Variants in FAM91A1 observed in about 807,000 individuals in gnomAD.
FAM91A1 encodes the protein protein FAM91A1.
FAM91A1 carries 41 observed loss-of-function variants against 113.5 expected under a neutral mutation model. The observed-to-expected ratio is 0.36, with a 90% CI of 0.28 to 0.47. The LOEUF is 0.47. Ranked by LOEUF, FAM91A1 falls within the 20% of genes least tolerant of loss-of-function variation. The probability of loss-of-function intolerance (pLI) is 1.00; values close to 1 mark genes in which losing one functional copy is unlikely to be tolerated. For missense variants in FAM91A1, 696 were observed against 1,001.2 expected (o/e 0.70, Z 4.11); for synonymous variants, 307 against 347.9 (o/e 0.88, Z 1.31).
At chr8:123,770,819 A>C (rs1439603001) in intron 1 of FAM91A1, among the ~76,000 whole-genome samples, 2 of 152,324 alleles carry the variant, frequency 1.3e-5, no homozygotes, top group South Asian at 2.1e-4. Context: ...CACTTGAAAA[A>C]CAGTGGCTAT....
At chr8:123,776,023 AGAAT>A (rs1814976265) in intron 3 of FAM91A1, among the ~76,000 whole-genome samples, 1 of 152,220 alleles carries the variant, frequency 6.6e-6, no homozygotes, top group South Asian at 2.1e-4. Flanking sequence ...AACTGTCTAA[AGAAT>A]GAATGATGAC....
intron 3 of FAM91A1, 124 bp from the exon 4 acceptor site, chr8:123,777,141 C>T (rs976989929): frequency 4.2e-6 from 3 of 707,264 alleles, no homozygotes; most frequent in African/African-American, 3.6e-5. Flanking sequence ...TCTAGGTAGC[C>T]AAACTATGAT....
rs1554601211 is a variant in FAM91A1, at chr8:123,784,457, C to A, written c.704-13C>A. The A allele has an allele frequency of 6.3e-7, 1 of 1,574,806 alleles. No homozygotes were observed. Among genetic ancestry groups the A allele is most frequent in the African/African-American group, 1.4e-5 (1 of 73,332 alleles). On this transcript the variant is annotated splice_polypyrimidine_tract_variant and intron_variant, in intron 8 of 23. Transcript: ENST00000334705. ...TCTGTACCACTGAGAAAAATCTCTT[C>A]TGTTTGTTTTAGTTCCACCTCTTGA...
chr8:123,800,236 C>T (rs115318347), intron 18 of FAM91A1, among the ~76,000 whole-genome samples: 63 of 150,774 alleles, frequency 4.2e-4, no homozygotes, highest in African/African-American at 1.5e-3. Context: ...AGTACCCAAC[C>T]CTATATATAG....
At chr8:123,794,351 TATC>T (rs1243972751) in intron 15 of FAM91A1, among the ~76,000 whole-genome samples, 1 of 152,238 alleles carries the variant, frequency 6.6e-6, no homozygotes, top group African/African-American at 2.4e-5. Flanking sequence ...TATCATTTAT[TATC>T]ATAAAATATA....
chr8:123,808,667 C>G, intron 21 of FAM91A1: 1 of 506,764 alleles, frequency 2.0e-6, no homozygotes. Context: ...TGGATGAAAG[C>G]TATGTACCTT....
At chr8:123,804,880 G>A (rs1586394264) in intron 18 of FAM91A1, among the ~76,000 whole-genome samples, 1 of 152,132 alleles carries the variant, frequency 6.6e-6, no homozygotes, top group East Asian at 1.9e-4. Flanking sequence ...AGGTTTTTGA[G>A]TTTTGCATTC....
In FAM91A1 at chr8:123,771,158, G is replaced by T. The variant is rs947412146; in HGVS notation, c.72+2384G>T. On this transcript the variant is annotated intron_variant, in intron 1 of 23. Coordinates refer to ENST00000334705, the MANE Select transcript of FAM91A1 (RefSeq NM_144963.4). The stretch of plus-strand genomic sequence containing the variant: ...CTGACCACCTAAATCTGTGGTGGTT[G>T]CCCCTAGGCTATCTTACCATTGCAT... Among the ~76,000 whole-genome samples, 7 of 152,322 alleles carry T rather than the reference G, an allele frequency of 4.6e-5. 1 individual carries two copies. The South Asian group carries it at 1.2e-3, about 27-fold the overall frequency.
At position 123,786,478 on chromosome 8, in the gene FAM91A1, G is replaced by T. The variant is rs761001246; in HGVS notation, c.963-17G>T. 1.1e-5 allele frequency: 17 copies of T among 1,542,000 alleles called. No individual in the cohort carries two copies. The highest frequency in any genetic ancestry group is 5.0e-5 in the Admixed American group (3 of 59,572). On this transcript the variant is annotated splice_polypyrimidine_tract_variant and intron_variant, in intron 11 of 23. Transcript: ENST00000334705. ...TTTATATGATTTTTAAAAAGCAAAT[G>T]CATTCTTCATTAATAGGAGTACCTT...
At position 123,799,896 on chromosome 8, in the gene FAM91A1, C is replaced by T; in HGVS notation, c.1809+11C>T. ...GCAGTTTTAATTCAGGTACATTTAT[C>T]TTATTTGAAATTTTGTCTTTTTATT... On this transcript the variant is annotated intron_variant, in intron 18 of 23. Transcript: ENST00000334705. 1 of 1,551,062 alleles carries T rather than the reference C, an allele frequency of 6.4e-7. No homozygotes were observed. Among genetic ancestry groups the T allele is most frequent in the Non-Finnish European group, 8.7e-7 (1 of 1,143,594 alleles).
chr8:123,780,041 A>C lies in FAM91A1; in HGVS notation c.606A>C (p.Gln202His), dbSNP rs764904538. The C allele has an allele frequency of 6.2e-7, 1 of 1,613,442 alleles. No individual in the cohort carries two copies. Among genetic ancestry groups the C allele is most frequent in the Non-Finnish European group, 8.5e-7 (1 of 1,179,676 alleles). The change falls in exon 7 of 24, where the codon CAA becomes CAC. Residue 202 changes from glutamine to histidine, a missense_variant. Physicochemically the swap from Gln to His is conservative, Grantham distance 24. Transcript: ENST00000334705. ...ATAAGATCATCGATTCAGGCCCTCA[A>C]CTCTCTGGATCACTAGATTACAATG... Reference protein sequence around the residue: ...AVDKIIDSGPQLSGSLDYNVV... With the variant: ...AVDKIIDSGPHLSGSLDYNVV...
rs1298304739 is a variant in FAM91A1, at chr8:123,778,042, A to C, written c.385A>C (p.Ile129Leu). The C allele has an allele frequency of 8.1e-6, 13 of 1,612,602 alleles. No homozygotes were observed. The highest frequency in any genetic ancestry group is 1.1e-5 in the Non-Finnish European group (13 of 1,179,248). Residue 129 changes from isoleucine (I) to leucine (L), a missense_variant, in exon 5 of 24, where the codon ATA (isoleucine) becomes CTA (leucine). Transcript: ENST00000334705. ...TAADCLRLLG[I>L]GRNQYIDLMN... ...TTTTTCAGGTCTAAGGCTTCTTGGC[A>C]TAGGAAGAAACCAGTATATTGATCT...
intron 15 of FAM91A1, among the ~76,000 whole-genome samples, chr8:123,794,999 C>T (rs370657682): frequency 2.0e-5 from 3 of 152,234 alleles, no homozygotes; most frequent in East Asian, 3.9e-4. Context: ...CTTTCTTTTT[C>T]TCATATTGAA....
chr8:123,777,137 T>C (rs1211438747), intron 3 of FAM91A1, 128 bp from the exon 4 acceptor site: 2 of 677,592 alleles, frequency 3.0e-6, no homozygotes, highest in Non-Finnish European at 4.8e-6. Flanking sequence ...ATGCTCTAGG[T>C]AGCCAAACTA....
intron 1 of FAM91A1, among the ~76,000 whole-genome samples, chr8:123,771,889 TC>T (rs1196846017): frequency 1.3e-5 from 2 of 152,328 alleles, no homozygotes; most frequent in African/African-American, 4.8e-5. Context: ...CTGATGTAGT[TC>T]CTTTTATATG....
At chr8:123,773,694 T>G (rs189821144) in intron 1 of FAM91A1, among the ~76,000 whole-genome samples, 1 of 152,320 alleles carries the variant, frequency 6.6e-6, no homozygotes, top group African/African-American at 2.4e-5. Flanking sequence ...ATTCTTAAAT[T>G]TAAATAAATG....
chr8:123,805,405 G>A (rs1476759678), intron 19 of FAM91A1, 66 bp downstream of exon 19: 7 of 1,255,706 alleles, frequency 5.6e-6, no homozygotes, highest in African/African-American at 1.5e-5. Context: ...CAACAGTTTG[G>A]TGGAAAACAT....
chr8:123,773,985 A>G (rs1314724196), intron 1 of FAM91A1, 95 bp from the exon 2 acceptor site: 5 of 886,394 alleles, frequency 5.6e-6, no homozygotes, highest in Non-Finnish European at 8.8e-6. Flanking sequence ...GCCAGGATAA[A>G]AATGGGGGTC....
At chr8:123,775,819 GC>G in intron 3 of FAM91A1, among the ~76,000 whole-genome samples, 1 of 152,042 alleles carries the variant, frequency 6.6e-6, no homozygotes. Flanking sequence ...ACAAAAATTA[GC>G]CAGCCGTGGT....
Sources: allele counts gnomAD v4.1 joint callset (sites outside exome capture counted in the v4.1 genomes callset), GRCh38; gene constraint gnomAD v4.1.1; transcripts MANE v1.5; gene names NCBI Gene and HGNC (gene_info 2026-07-23, HGNC 2026-07-21).